The following RIN2 variants were observed in gnomAD, a reference collection of about 807,000 sequenced individuals.
The protein encoded by RIN2 is RAB5 interacting protein 2.
In RIN2, 36 loss-of-function variants were observed where a neutral mutation model predicts 78.0. The ratio of observed to expected loss-of-function variants is 0.46; its 90% confidence interval spans 0.35 to 0.61. The LOEUF is 0.61. Among genes scored for constraint, RIN2 ranks in the 20% least tolerant of loss-of-function variants. RIN2 has a pLI of 0.00. For missense variants in RIN2, 1,087 were observed against 1,159.7 expected, an observed-to-expected ratio of 0.94 and a Z score of 0.91; for synonymous variants, 466 against 466.8, an observed-to-expected ratio of 1.00 and a Z score of 0.02.
At chr20:19,837,686 C>T (rs1231603949) in intron 2 of RIN2, among the ~76,000 whole-genome samples, 1 of 152,060 alleles carries the variant, frequency 6.6e-6, no homozygotes, top group Non-Finnish European at 1.5e-5. Flanking sequence ...TGCTGATATA[C>T]AGATAACTAT....
chr20:19,794,198 C>T (rs1173880216), intron 1 of RIN2, among the ~76,000 whole-genome samples: 1 of 152,148 alleles, frequency 6.6e-6, no homozygotes, highest in Non-Finnish European at 1.5e-5. Context: ...GAGAGATGAA[C>T]TCCACCAGTA....
intron 2 of RIN2, among the ~76,000 whole-genome samples, chr20:19,874,296 A>G (rs2037788261): frequency 6.6e-6 from 1 of 152,216 alleles, no homozygotes; most frequent in African/African-American, 2.4e-5. Flanking sequence ...ACACACATAA[A>G]GCAAGGTTAT....
At chr20:19,846,083 C>A (rs1291951466) in intron 2 of RIN2, among the ~76,000 whole-genome samples, 1 of 152,134 alleles carries the variant, frequency 6.6e-6, no homozygotes, top group African/African-American at 2.4e-5. Flanking sequence ...TTCCATTGGT[C>A]TATCTACCTG....
At chr20:19,900,477 T>TA (rs1292808990) in intron 3 of RIN2, among the ~76,000 whole-genome samples, 1 of 148,386 alleles carries the variant, frequency 6.7e-6, no homozygotes, top group Non-Finnish European at 1.5e-5. Context: ...AGTCTCAAAA[T>TA]AAAAAATAAA....
chr20:19,805,627 C>T (rs1331836002), intron 2 of RIN2, among the ~76,000 whole-genome samples: 1 of 152,078 alleles, frequency 6.6e-6, no homozygotes, highest in Non-Finnish European at 1.5e-5. Flanking sequence ...GTCTCAAACT[C>T]TTGATCTCAG....
chr20:19,957,324 T>C (rs986750749), intron 5 of RIN2, among the ~76,000 whole-genome samples: 2 of 152,204 alleles, frequency 1.3e-5, no homozygotes, highest in African/African-American at 4.8e-5. Context: ...AGCTACTGTC[T>C]ATCCAAGACC....
chr20:19,924,066 A>G (rs577452539), intron 3 of RIN2, among the ~76,000 whole-genome samples: 1 of 71,596 alleles, frequency 1.4e-5, no homozygotes, highest in East Asian at 5.2e-4. Flanking sequence ...TCCATACCCC[A>G]CTTTCATACC....
intron 2 of RIN2, among the ~76,000 whole-genome samples, chr20:19,877,535 A>T (rs544221102): frequency 6.6e-6 from 1 of 152,330 alleles, no homozygotes; most frequent in Non-Finnish European, 1.5e-5. Flanking sequence ...AAGAGCCAGG[A>T]TGCTTCTCAG....
intron 1 of RIN2, among the ~76,000 whole-genome samples, chr20:19,783,143 T>A (rs17370440): frequency 0.081 from 12,262 of 152,316 alleles, 495 homozygotes; most frequent in South Asian, 0.12. Context: ...AGTGTGTTGC[T>A]GTATCAGATC....
intron 4 of RIN2, among the ~76,000 whole-genome samples, chr20:19,940,369 C>A (rs546340538): frequency 6.6e-6 from 1 of 152,076 alleles, no homozygotes; most frequent in Admixed American, 6.5e-5. Context: ...GGCCACCAAC[C>A]GGTGCATAAA....
At chr20:19,856,347 T>C (rs959673805) in intron 2 of RIN2, among the ~76,000 whole-genome samples, 1 of 152,038 alleles carries the variant, frequency 6.6e-6, no homozygotes, top group African/African-American at 2.4e-5. Context: ...ACAACCCATC[T>C]CTACAAAATA....
intron 4 of RIN2, among the ~76,000 whole-genome samples, chr20:19,936,076 G>A (rs1394100301): frequency 1.3e-5 from 2 of 152,204 alleles, no homozygotes; most frequent in East Asian, 1.9e-4. Context: ...AAACCAGCCC[G>A]ACTAGTTCCG....
At chr20:19,920,767 C>T (rs1043566040) in intron 3 of RIN2, among the ~76,000 whole-genome samples, 6 of 152,200 alleles carry the variant, frequency 3.9e-5, no homozygotes, top group African/African-American at 1.4e-4. Context: ...ACCTCCACCC[C>T]CCAAGTTCAA....
intron 1 of RIN2, among the ~76,000 whole-genome samples, chr20:19,795,929 A>G (rs1242784869): frequency 6.6e-6 from 1 of 152,122 alleles, no homozygotes; most frequent in African/African-American, 2.4e-5. Flanking sequence ...ACATGAAAAT[A>G]TGAAATAAAG....
At chr20:19,860,520 A>G (rs2037302376) in intron 2 of RIN2, among the ~76,000 whole-genome samples, 1 of 151,856 alleles carries the variant, frequency 6.6e-6, no homozygotes, top group South Asian at 2.1e-4. Flanking sequence ...ACGGGGTTTC[A>G]CCATGTTGGC....
At chr20:19,875,499 G>C (rs1327187687) in intron 2 of RIN2, among the ~76,000 whole-genome samples, 2 of 152,128 alleles carry the variant, frequency 1.3e-5, no homozygotes, top group Non-Finnish European at 2.9e-5. Flanking sequence ...GAGTTAACTG[G>C]ATGTGGTATT....
intron 4 of RIN2, among the ~76,000 whole-genome samples, chr20:19,938,178 T>C (rs2040723813): frequency 6.6e-6 from 1 of 152,154 alleles, no homozygotes; most frequent in African/African-American, 2.4e-5. Flanking sequence ...AACCCAGAGA[T>C]CACACTTTGA....
At chr20:19,912,568 T>G (rs1424238229) in intron 3 of RIN2, among the ~76,000 whole-genome samples, 1 of 135,268 alleles carries the variant, frequency 7.4e-6, no homozygotes, top group Non-Finnish European at 1.5e-5. Context: ...AACTTCCGCC[T>G]CCGGAGTTCA....
At chr20:19,769,235 C>T (rs1198886051) in intron 1 of RIN2, among the ~76,000 whole-genome samples, 2 of 152,118 alleles carry the variant, frequency 1.3e-5, no homozygotes, top group Non-Finnish European at 1.5e-5. Flanking sequence ...GTGCCGTGCC[C>T]GGCCAGCTTT....
Sources: allele counts gnomAD v4.1 joint callset (sites outside exome capture counted in the v4.1 genomes callset), GRCh38; gene constraint gnomAD v4.1.1; transcripts MANE v1.5; gene names NCBI Gene and HGNC (gene_info 2026-07-23, HGNC 2026-07-21).